Variants in CACNA1E observed in about 807,000 individuals in gnomAD.
CACNA1E encodes voltage-dependent R-type calcium channel subunit alpha-1E.
A neutral mutation model predicts 259.2 loss-of-function variants in CACNA1E; 40 were observed. The ratio of observed to expected loss-of-function variants is 0.15; its 90% confidence interval spans 0.12 to 0.20. The LOEUF (loss-of-function observed/expected upper bound fraction) is 0.20, where lower values mean the gene tolerates loss of function less well. CACNA1E is among the 10% of genes least tolerant of loss of function. CACNA1E has a pLI of 1.00. For missense variants in CACNA1E, 1,874 were observed against 3,040.1 expected, an observed-to-expected ratio of 0.62 and a Z score of 9.02; for synonymous variants, 1,104 against 1,138.5, an observed-to-expected ratio of 0.97 and a Z score of 0.61.
chr1:181,758,691 G>A lies in CACNA1E; in HGVS notation c.4495-67G>A, dbSNP rs1658308275. The A allele has an allele frequency of 1.1e-6, 1 of 895,064 alleles. No individual in the cohort carries two copies. Among genetic ancestry groups the A allele is most frequent in the Middle Eastern group, 2.2e-4 (1 of 4,552 alleles). 55.4% of individuals were successfully genotyped at this position (895,064 alleles called of 1,614,324 possible). ...CAGGAATGAGAGATGGCCAACCTCA[G>A]TGACATGTATTCCCCCTCTTACCTT... On this transcript the variant is annotated intron_variant, in intron 31 of 47. Transcript: ENST00000367573. The surrounding 1 kb of genome is among the most constrained non-coding windows in gnomAD (Gnocchi z 4.2).
At chr1:181,689,204 TC>T (rs1002105890) in intron 7 of CACNA1E, among the ~76,000 whole-genome samples, 7 of 150,952 alleles carry the variant, frequency 4.6e-5, no homozygotes, top group African/African-American at 1.7e-4. Context: ...ATTGTTCAAC[TC>T]CCACTTAGGA....
intron 6 of CACNA1E, among the ~76,000 whole-genome samples, chr1:181,635,875 TA>T (rs1657166035): frequency 1.3e-5 from 2 of 152,224 alleles, no homozygotes; most frequent in African/African-American, 4.8e-5. Flanking sequence ...TACTAGGTAC[TA>T]GCTACCTAGA....
At chr1:181,577,131 G>A (rs1371625357) in intron 3 of CACNA1E, among the ~76,000 whole-genome samples, 2 of 152,200 alleles carry the variant, frequency 1.3e-5, no homozygotes, top group South Asian at 2.1e-4. Context: ...ATTTGTATGT[G>A]TGTGTATTTC....
chr1:181,612,464 A>G (rs1034620015), intron 6 of CACNA1E, among the ~76,000 whole-genome samples: 6 of 152,188 alleles, frequency 3.9e-5, no homozygotes, highest in Non-Finnish European at 8.8e-5. Flanking sequence ...CTGAGAAACA[A>G]TCAACTGTCA....
intron 6 of CACNA1E, among the ~76,000 whole-genome samples, chr1:181,582,836 G>A (rs1206179406): frequency 6.6e-6 from 1 of 152,152 alleles, no homozygotes; most frequent in Admixed American, 6.5e-5. Flanking sequence ...CACACAGGCA[G>A]AGATTTTGCT....
rs377083256 is a variant in CACNA1E, at chr1:181,388,379, G to A, written c.-14-24754G>A. Among the ~76,000 whole-genome samples, 20 of 152,260 alleles carry A rather than the reference G, an allele frequency of 1.3e-4. No homozygotes were observed. In the South Asian group the frequency reaches 3.7e-3, roughly 28 times the overall value. On this transcript the variant is annotated intron_variant, in intron 1 of 11. Coordinates refer to the CACNA1E transcript ENST00000524607. The stretch of plus-strand genomic sequence containing the variant: ...AGGGATACATTCTGAGAAAGGCATC[G>A]CTAGGTGATTTTGTCATTGTGTGAA...
At chr1:181,560,278 T>C (rs1183922769) in intron 3 of CACNA1E, among the ~76,000 whole-genome samples, 3 of 138,376 alleles carry the variant, frequency 2.2e-5, no homozygotes, top group African/African-American at 7.7e-5. Context: ...TATATTTCCA[T>C]TGGAAAAAAA....
chr1:181,403,415 A>T (rs1025973077), intron 1 of CACNA1E, among the ~76,000 whole-genome samples: 3 of 151,818 alleles, frequency 2.0e-5, no homozygotes, highest in African/African-American at 7.3e-5. Flanking sequence ...ATATAACCCA[A>T]TTGCACTGTT....
intron 3 of CACNA1E, among the ~76,000 whole-genome samples, chr1:181,568,914 A>G (rs1572236696): frequency 6.6e-6 from 1 of 151,542 alleles, no homozygotes; most frequent in African/African-American, 2.4e-5. Flanking sequence ...CCCTCTTCGG[A>G]CTCCTTACTG....
chr1:181,382,954 T>C (rs1489052472), intron 1 of CACNA1E, among the ~76,000 whole-genome samples: 4 of 152,184 alleles, frequency 2.6e-5, no homozygotes, highest in Non-Finnish European at 5.9e-5. Context: ...CTCCAGAGAC[T>C]GGCTCTGAGT....
At chr1:181,714,093 G>T (rs568237174) in intron 8 of CACNA1E, among the ~76,000 whole-genome samples, 2 of 152,244 alleles carry the variant, frequency 1.3e-5, no homozygotes, top group East Asian at 1.9e-4. Flanking sequence ...GACCCCACAG[G>T]TTAAAGGCTC....
intron 2 of CACNA1E, among the ~76,000 whole-genome samples, chr1:181,454,167 AC>A (rs1428328851): frequency 6.6e-6 from 1 of 152,152 alleles, no homozygotes; most frequent in Non-Finnish European, 1.5e-5. Context: ...ATCAAGGACC[AC>A]AGCTGTGGTG....
chr1:181,688,313 A>G (rs1158220225), intron 7 of CACNA1E, among the ~76,000 whole-genome samples: 1 of 152,196 alleles, frequency 6.6e-6, no homozygotes, highest in East Asian at 1.9e-4. Flanking sequence ...GTTTTTATAG[A>G]GGTTGGTTCA....
At chr1:181,340,283 A>G (rs968891276) in intron 1 of CACNA1E, among the ~76,000 whole-genome samples, 2 of 151,974 alleles carry the variant, frequency 1.3e-5, no homozygotes, top group African/African-American at 4.8e-5. Context: ...AGCATTTTCT[A>G]TTTTATTCTG....
intron 1 of CACNA1E, among the ~76,000 whole-genome samples, chr1:181,363,275 CT>C (rs766190999): frequency 2.0e-5 from 3 of 152,160 alleles, no homozygotes; most frequent in Non-Finnish European, 2.9e-5. Context: ...AACAAACCCG[CT>C]TGTGAATACC....
At chr1:181,621,863 T>C (rs1655755030) in intron 6 of CACNA1E, among the ~76,000 whole-genome samples, 1 of 152,114 alleles carries the variant, frequency 6.6e-6, no homozygotes, top group African/African-American at 2.4e-5. Context: ...ATCTCTACAA[T>C]ACATAGGTAG....
rs1188340943 is a variant in CACNA1E at position 181,806,349 on chromosome 1, C to A, written c.*7515C>A. The A allele has an allele frequency of 6.6e-6, 1 of 152,262 alleles. No homozygotes were observed. Among genetic ancestry groups the A allele is most frequent in the South Asian group, 2.1e-4 (1 of 4,826 alleles). 9.4% of individuals were successfully genotyped at this position (152,262 alleles called of 1,614,324 possible). A position where few individuals can be genotyped will look rare whatever the true frequency, so the allele number is the denominator to read the frequency against. On this transcript the variant is annotated 3_prime_UTR_variant, in exon 48 of 48. Coordinates refer to ENST00000367573, the MANE Select transcript of CACNA1E (RefSeq NM_001205293.3). ...AAGGAGGTGGACTACAGGGTCCACA[C>A]CCTCTGTCCTTCGGGGCCCATGGTC...
At chr1:181,553,057 G>C (rs576192236) in intron 3 of CACNA1E, among the ~76,000 whole-genome samples, 2 of 152,234 alleles carry the variant, frequency 1.3e-5, no homozygotes, top group Non-Finnish European at 2.9e-5. Context: ...GTATAGCATT[G>C]GGAATAGCAT....
At position 181,483,823 on chromosome 1, in the gene CACNA1E, G is replaced by A; in HGVS notation, c.79G>A (p.Gly27Arg). The A allele has an allele frequency of 6.2e-7, 1 of 1,613,718 alleles. No individual in the cohort carries two copies. The highest frequency in any genetic ancestry group is 8.5e-7 in the Non-Finnish European group (1 of 1,179,822). The change falls in exon 1 of 48, where the codon GGA (glycine) becomes AGA (arginine). Residue 27 changes from glycine to arginine, a missense_variant. Physicochemically the swap from Gly to Arg is moderately radical, Grantham distance 125 (BLOSUM62 -2). Around this residue, in one of 14 missense-constraint regions of CACNA1E, gnomAD observed 110 missense variants for 122.8 expected, o/e 0.90. Coordinates refer to ENST00000367573, the MANE Select transcript of CACNA1E (RefSeq NM_001205293.3). ...GDSDQSRNRQ[G>R]TPVPASGQAA... ...CTCGGACCAGAGCAGGAACCGGCAA[G>A]GAACCCCCGTGCCGGCCTCGGGGCA...
Sources: allele counts gnomAD v4.1 joint callset (sites outside exome capture counted in the v4.1 genomes callset), GRCh38; gene constraint gnomAD v4.1.1; regional missense constraint gnomAD v4.1.1; non-coding constraint Gnocchi (gnomAD v3.1); transcripts MANE v1.5; gene names NCBI Gene and HGNC (gene_info 2026-07-23, HGNC 2026-07-21).